Variants in PRSS23 observed in about 807,000 individuals in gnomAD.
PRSS23 encodes serine protease 23.
In PRSS23, 25 loss-of-function variants were observed where a neutral mutation model predicts 34.7. The observed-to-expected ratio is 0.72, with a 90% CI of 0.53 to 1.01. PRSS23 has a LOEUF of 1.01. Among genes scored for constraint, PRSS23 ranks in the 50% least tolerant of loss-of-function variants. PRSS23 has a pLI of 0.00. For synonymous variants in PRSS23, 176 were observed against 186.6 expected, an observed-to-expected ratio of 0.94 and a Z score of 0.46; for missense variants, 445 against 475.6, an observed-to-expected ratio of 0.94 and a Z score of 0.60.
intron 2 of PRSS23, among the ~76,000 whole-genome samples, chr11:86,825,802 G>A (rs1485063656): frequency 1.0e-4 from 15 of 149,906 alleles, no homozygotes; most frequent in East Asian, 2.0e-4. Context: ...GATATGCGGC[G>A]TTATTTCTGA....
At chr11:86,885,679 C>T (rs779583950) in intron 2 of PRSS23, among the ~76,000 whole-genome samples, 6 of 152,182 alleles carry the variant, frequency 3.9e-5, no homozygotes, top group African/African-American at 9.7e-5. Context: ...TGATCTATCC[C>T]GCAGATTTTT....
chr11:86,848,831 A>C (rs1272154294), intron 2 of PRSS23, among the ~76,000 whole-genome samples: 1 of 152,230 alleles, frequency 6.6e-6, no homozygotes, highest in Non-Finnish European at 1.5e-5. Context: ...GCTCTCAGAC[A>C]GGCAGACCTT....
At chr11:86,819,472 A>C (rs551892412) in intron 1 of PRSS23, among the ~76,000 whole-genome samples, 1 of 152,334 alleles carries the variant, frequency 6.6e-6, no homozygotes, top group African/African-American at 2.4e-5. Flanking sequence ...TTGTTTAAAA[A>C]TTACCATTCC....
intron 2 of PRSS23, chr11:86,832,553 AG>A: frequency 2.3e-6 from 1 of 441,742 alleles, no homozygotes; most frequent in Non-Finnish European, 4.5e-6. Flanking sequence ...CAACCACCAC[AG>A]GACCCTTTTG....
intron 2 of PRSS23, among the ~76,000 whole-genome samples, chr11:86,864,878 T>G (rs980706473): frequency 6.6e-6 from 1 of 152,242 alleles, no homozygotes; most frequent in Non-Finnish European, 1.5e-5. Flanking sequence ...TCTCTGAGTC[T>G]GCTTCCATCA....
At chr11:86,868,231 G>C (rs1018022572) in intron 2 of PRSS23, among the ~76,000 whole-genome samples, 3 of 152,204 alleles carry the variant, frequency 2.0e-5, no homozygotes, top group African/African-American at 7.2e-5. Flanking sequence ...ACTCAATGGA[G>C]TGAAAGAAGC....
chr11:86,886,681 G>A (rs868479908), intron 2 of PRSS23, among the ~76,000 whole-genome samples: 15 of 152,180 alleles, frequency 9.9e-5, no homozygotes, highest in African/African-American at 3.6e-4. Context: ...GCTCATGCCT[G>A]TAATCCCAAT....
upstream of PRSS23, among the ~76,000 whole-genome samples, chr11:86,799,310 G>T (rs1948003505): frequency 6.6e-6 from 1 of 152,176 alleles, no homozygotes; most frequent in African/African-American, 2.4e-5. Flanking sequence ...AAAAGTAATT[G>T]CAAACACCAA....
intron 1 of PRSS23, among the ~76,000 whole-genome samples, chr11:86,822,550 G>A (rs1172548694): frequency 2.0e-5 from 3 of 151,586 alleles, no homozygotes; most frequent in Non-Finnish European, 4.4e-5. Flanking sequence ...GAGCCTGGGA[G>A]GTCGAGACTG....
At chr11:86,879,839 G>T (rs1175098024) in intron 2 of PRSS23, among the ~76,000 whole-genome samples, 5 of 105,880 alleles carry the variant, frequency 4.7e-5, no homozygotes, top group African/African-American at 7.5e-5. Context: ...TCAGCCCCCC[G>T]CCCGGCCAGC....
intron 2 of PRSS23, chr11:86,911,666 C>T (rs1948978563): frequency 6.6e-6 from 1 of 152,216 alleles, no homozygotes; most frequent in African/African-American, 2.4e-5. Context: ...TTTCACATCA[C>T]ATCACTTTCA....
rs556048419 is a variant in PRSS23, at chr11:86,828,913, T to A, written c.206+5320T>A. Among the ~76,000 whole-genome samples, 54 of 152,342 alleles carry A rather than the reference T, an allele frequency of 3.5e-4. No individual in the cohort carries two copies. The South Asian group carries it at 0.011, about 31-fold the overall frequency. On this transcript the variant is annotated intron_variant, in intron 2 of 2. Coordinates refer to the PRSS23 transcript ENST00000533902. ...TTGTGGGTAACCCAACCTTTCTCTC[T>A]GGCTGCCCTTAACATTTTTTCCTTC... is the stretch of plus-strand genomic sequence containing the variant.
At chr11:86,950,929 C>G (rs2135039184) in intron 2 of PRSS23, 2 of 619,294 alleles carry the variant, frequency 3.2e-6, no homozygotes, top group Non-Finnish European at 5.7e-6. Flanking sequence ...CTCTAACTGG[C>G]TTTTCCATTT....
rs766574964 is a variant in PRSS23, at chr11:86,951,631, G to A, written c.*346G>A. ...GATTTTGGTTTCCAACATAGCACAA[G>A]CCAGTCAGTTCATCTGCATCCACCA... On this transcript the variant is annotated 3_prime_UTR_variant, in exon 3 of 3. Transcript: ENST00000533902. 7.4e-6 allele frequency: 12 copies of A among 1,614,050 alleles called. No homozygotes were observed. The South Asian group carries it at 9.9e-5, about 13-fold the overall frequency.
chr11:86,907,876 G>A (rs76882356), intron 2 of PRSS23, among the ~76,000 whole-genome samples: 1,585 of 129,396 alleles, frequency 0.012, 22 homozygotes, highest in African/African-American at 0.038. Context: ...TTGAATAGCA[G>A]CTCTATTTTT....
At chr11:86,831,807 G>A (rs973636479) in intron 2 of PRSS23, among the ~76,000 whole-genome samples, 3 of 151,734 alleles carry the variant, frequency 2.0e-5, no homozygotes, top group Non-Finnish European at 2.9e-5. Context: ...TCCTAGTGTC[G>A]CAGCGGGTAT....
chr11:86,848,143 A>C (rs983655220), intron 2 of PRSS23, among the ~76,000 whole-genome samples: 1 of 152,246 alleles, frequency 6.6e-6, no homozygotes, highest in Non-Finnish European at 1.5e-5. Context: ...AAATAAAGGC[A>C]GATTTAGGGA....
At position 86,844,714 on chromosome 11, in the gene PRSS23, A is replaced by T. The variant is rs1357840514; in HGVS notation, c.206+21121A>T. Among the ~76,000 whole-genome samples the T allele has an allele frequency of 2.0e-5, 3 of 152,376 alleles. No homozygotes were observed. In the South Asian group the frequency reaches 6.2e-4, roughly 32 times the overall value. On this transcript the variant is annotated intron_variant, in intron 2 of 2. Transcript: ENST00000533902. The stretch of plus-strand genomic sequence containing the variant: ...AGAATCATAGGACCCACGTCATGAC[A>T]TAGAAACAAACAAGTGTTGTTTTAT...
At chr11:86,899,785 G>A (rs1948899102) in intron 2 of PRSS23, among the ~76,000 whole-genome samples, 1 of 151,616 alleles carries the variant, frequency 6.6e-6, no homozygotes, top group African/African-American at 2.4e-5. Flanking sequence ...CAAAGTGCTG[G>A]GATTACAGGC....
Sources: gnomAD v4.1 joint callset for allele counts (sites outside exome capture counted in the v4.1 genomes callset) on GRCh38, gnomAD v4.1.1 for gene constraint, MANE v1.5 for transcripts, NCBI Gene and HGNC (gene_info 2026-07-23, HGNC 2026-07-21) for gene names.